The following CSMD1 variants were observed in gnomAD, a reference collection of about 807,000 sequenced individuals.
CSMD1 encodes the protein CUB and sushi domain-containing protein 1.
CSMD1 carries 213 observed loss-of-function variants against 417.5 expected under a neutral mutation model. The ratio of observed to expected loss-of-function variants is 0.51; its 90% confidence interval spans 0.46 to 0.57. CSMD1 has a LOEUF of 0.57. Ranked by LOEUF, CSMD1 falls within the 20% of genes least tolerant of loss-of-function variation. CSMD1 has a pLI of 0.00. For missense variants in CSMD1, 6,923 were observed against 4,529.7 expected (o/e 1.53, Z -15.17); for synonymous variants, 2,862 against 1,736.8 (o/e 1.65, Z -16.11).
At chr8:4,575,462 T>C (rs1799093650) in intron 2 of CSMD1, among the ~76,000 whole-genome samples, 1 of 152,220 alleles carries the variant, frequency 6.6e-6, no homozygotes, top group Non-Finnish European at 1.5e-5. Context: ...GTCATTAATT[T>C]CTCTGAACGT....
intron 2 of CSMD1, among the ~76,000 whole-genome samples, chr8:4,455,323 C>G (rs1000142035): frequency 2.6e-5 from 4 of 152,120 alleles, no homozygotes; most frequent in Admixed American, 2.0e-4. Context: ...AAGATGATCA[C>G]AAATCCATGT....
chr8:4,933,015 G>C (rs1210736359), intron 1 of CSMD1, among the ~76,000 whole-genome samples: 7 of 152,282 alleles, frequency 4.6e-5, no homozygotes, highest in Middle Eastern at 3.4e-3. Context: ...ATTTCTCTTT[G>C]CTGATGAGTT....
At chr8:3,772,063 A>G (rs1798601299) in intron 5 of CSMD1, among the ~76,000 whole-genome samples, 1 of 151,500 alleles carries the variant, frequency 6.6e-6, no homozygotes, top group Non-Finnish European at 1.5e-5. Flanking sequence ...TGAGTCTGCC[A>G]TTATGCTACC....
At chr8:3,794,325 T>C (rs1799922150) in intron 5 of CSMD1, among the ~76,000 whole-genome samples, 4 of 152,232 alleles carry the variant, frequency 2.6e-5, no homozygotes, top group South Asian at 4.2e-4. Flanking sequence ...CGCCTGGTGA[T>C]TTTTAAGCTG....
rs568171176 is a variant in CSMD1 at position 4,707,133 on chromosome 8, T to A, written c.86-69575A>T. Among the ~76,000 whole-genome samples the A allele has an allele frequency of 2.0e-5, 3 of 152,332 alleles. No individual in the cohort carries two copies. The South Asian group carries it at 6.2e-4, about 32-fold the overall frequency. ...ATACTAAATACAGCCAGAAAGCTGTTACAGTGATCTGGGTGAAAATAATAA... is the reference window on the plus strand; with the variant it reads ...ATACTAAATACAGCCAGAAAGCTGTAACAGTGATCTGGGTGAAAATAATAA... On this transcript the variant is annotated intron_variant, in intron 1 of 69. Coordinates refer to ENST00000635120, the MANE Select transcript of CSMD1 (RefSeq NM_033225.6).
intron 1 of CSMD1, among the ~76,000 whole-genome samples, chr8:4,915,797 G>C (rs1447989940): frequency 1.3e-5 from 2 of 152,220 alleles, no homozygotes; most frequent in South Asian, 2.1e-4. Context: ...TTGATGCATA[G>C]AATACTTGGC....
At chr8:4,191,548 C>G (rs185051604) in intron 3 of CSMD1, among the ~76,000 whole-genome samples, 1 of 152,140 alleles carries the variant, frequency 6.6e-6, no homozygotes, top group African/African-American at 2.4e-5. Flanking sequence ...ATCTGAACTA[C>G]AACTGAAAAT....
At chr8:4,848,045 G>T (rs774907697) in intron 1 of CSMD1, among the ~76,000 whole-genome samples, 2 of 151,982 alleles carry the variant, frequency 1.3e-5, no homozygotes, top group Non-Finnish European at 2.9e-5. Context: ...TCCCTGTTGG[G>T]GACATTTCCT....
At chr8:4,881,754 A>C (rs1803417208) in intron 1 of CSMD1, among the ~76,000 whole-genome samples, 1 of 151,962 alleles carries the variant, frequency 6.6e-6, no homozygotes. Flanking sequence ...TTTAGAGACC[A>C]CACTGTTGAC....
intron 3 of CSMD1, among the ~76,000 whole-genome samples, chr8:4,328,760 G>A (rs933571712): frequency 3.3e-5 from 5 of 152,034 alleles, no homozygotes; most frequent in Admixed American, 2.0e-4. Flanking sequence ...AAGTTACATC[G>A]TTTAAGTTAG....
intron 1 of CSMD1, among the ~76,000 whole-genome samples, chr8:4,649,996 G>C (rs182936130): frequency 6.6e-6 from 1 of 152,272 alleles, no homozygotes; most frequent in East Asian, 1.9e-4. Context: ...TAAGACTGTC[G>C]AGAACTTGAT....
chr8:4,980,618 T>G (rs1477139420), intron 1 of CSMD1, among the ~76,000 whole-genome samples: 1 of 152,154 alleles, frequency 6.6e-6, no homozygotes, highest in Admixed American at 6.5e-5. Context: ...AAAAATCTTA[T>G]CTAGCCAGGC....
At chr8:3,097,767 G>C (rs765853192) in intron 46 of CSMD1, among the ~76,000 whole-genome samples, 3 of 152,082 alleles carry the variant, frequency 2.0e-5, no homozygotes, top group Admixed American at 6.6e-5. Flanking sequence ...TCGGGGGTGG[G>C]GGGAACTACT....
chr8:4,936,962 G>C (rs930407790), intron 1 of CSMD1, among the ~76,000 whole-genome samples: 3 of 152,048 alleles, frequency 2.0e-5, no homozygotes, highest in Non-Finnish European at 4.4e-5. Flanking sequence ...TATAACCCTA[G>C]CACCTTAGCA....
In CSMD1 at chr8:4,712,013, T is replaced by C. The variant is rs192170766; in HGVS notation, c.86-74455A>G. On this transcript the variant is annotated intron_variant, in intron 1 of 69. Transcript: ENST00000635120. ...TGAAATATGTGGCTTCCTAAGAGTCTACAGAGAAAATCTAGAAGAGATTTT... is the reference window on the plus strand; with the variant it reads ...TGAAATATGTGGCTTCCTAAGAGTCCACAGAGAAAATCTAGAAGAGATTTT... Among the ~76,000 whole-genome samples, 385 of 152,242 alleles carry C rather than the reference T, an allele frequency of 2.5e-3. 2 individuals carry two copies. Among genetic ancestry groups the C allele is most frequent in the African/African-American group, 8.9e-3 (368 of 41,522 alleles).
intron 7 of CSMD1, among the ~76,000 whole-genome samples, chr8:3,641,855 T>A (rs1478099963): frequency 1.3e-5 from 2 of 152,200 alleles, no homozygotes; most frequent in Non-Finnish European, 2.9e-5. Context: ...GTCCTATTAT[T>A]GGTACAGCTA....
chr8:3,142,248 G>A (rs547558346), intron 41 of CSMD1, among the ~76,000 whole-genome samples: 17 of 152,290 alleles, frequency 1.1e-4, no homozygotes, highest in African/African-American at 3.8e-4. Flanking sequence ...TGTCTGGGCA[G>A]CAGAAAAGGC....
At position 4,696,429 on chromosome 8, in the gene CSMD1, T is replaced by C. The variant is rs534674218; in HGVS notation, c.86-58871A>G. On this transcript the variant is annotated intron_variant, in intron 1 of 69. Coordinates refer to ENST00000635120, the MANE Select transcript of CSMD1 (RefSeq NM_033225.6). The stretch of plus-strand genomic sequence containing the variant: ...CACTGAAACATCCTGCTTCTCCTAT[T>C]TCTCTAAATCAGAGTCAATTACATT... Among the ~76,000 whole-genome samples, 23 of 152,330 alleles carry C rather than the reference T, an allele frequency of 1.5e-4. 1 individual carries two copies. The South Asian group carries it at 4.1e-3, about 27-fold the overall frequency.
rs182306723 is a variant in CSMD1 at position 4,875,384 on chromosome 8, C to G, written c.85+118948G>C. Among the ~76,000 whole-genome samples the G allele has an allele frequency of 1.3e-3, 204 of 152,142 alleles. 2 individuals carry two copies. Among genetic ancestry groups the G allele is most frequent in the African/African-American group, 4.5e-3 (186 of 41,450 alleles). ...AAGTGACTTGTTTTCTTCTATCAAG[C>G]CTTTATTTCTCCAGAATAAATTGTT... On this transcript the variant is annotated intron_variant, in intron 1 of 69. Coordinates refer to ENST00000635120, the MANE Select transcript of CSMD1 (RefSeq NM_033225.6).
Sources: gnomAD v4.1 joint callset for allele counts (sites outside exome capture counted in the v4.1 genomes callset) on GRCh38, gnomAD v4.1.1 for gene constraint, MANE v1.5 for transcripts, NCBI Gene and HGNC (gene_info 2026-07-23, HGNC 2026-07-21) for gene names.